Variants in MASTL observed in about 807,000 individuals in gnomAD.
The protein encoded by MASTL is microtubule associated serine/threonine kinase like.
Under a neutral mutation model 82.5 loss-of-function variants are expected in MASTL, and 54 were observed. The ratio of observed to expected loss-of-function variants is 0.65; its 90% CI spans 0.53 to 0.82. The LOEUF is 0.82. Among genes scored for constraint, MASTL ranks in the 40% least tolerant of loss-of-function variants. MASTL has a pLI of 0.00. For missense variants in MASTL, 950 were observed against 1,047.8 expected (o/e 0.91, Z 1.29); for synonymous variants, 323 against 368.9 (o/e 0.88, Z 1.43).
intron 11 of MASTL, among the ~76,000 whole-genome samples, chr10:27,181,857 G>A (rs1442484417): frequency 1.3e-5 from 2 of 152,036 alleles, no homozygotes; most frequent in Non-Finnish European, 2.9e-5. Flanking sequence ...GGCGGATCAC[G>A]AGATCAGGAG....
rs1300005254 is a variant in MASTL, at chr10:27,170,424, C to T, written c.1465C>T (p.Gln489Ter). ...NQNTGLTVEV[Q>*]DLKLSVHKSQ... ...AAATACAGGCTTAACAGTTGAAGTGCAGGACCTTAAGCTATCAGTGCACAA... is the reference window on the plus strand; with the variant it reads ...AAATACAGGCTTAACAGTTGAAGTGTAGGACCTTAAGCTATCAGTGCACAA... The change falls in exon 8 of 12, where the codon CAG becomes TAG. Residue 489 changes from glutamine (Q) to a stop codon, truncating the protein, a stop_gained. Coordinates refer to ENST00000375940, the MANE Select transcript of MASTL (RefSeq NM_001172303.3). LOFTEE classifies it high-confidence loss of function. 1 of 1,614,040 alleles carries T rather than the reference C, an allele frequency of 6.2e-7. No individual in the cohort carries two copies. The highest frequency in any genetic ancestry group is 1.7e-5 in the Admixed American group (1 of 60,010).
chr10:27,167,549 G>T (rs1042117567), intron 7 of MASTL, among the ~76,000 whole-genome samples: 3 of 151,982 alleles, frequency 2.0e-5, no homozygotes, highest in African/African-American at 7.3e-5. Flanking sequence ...GTATCTAGGT[G>T]GACCTCACTT....
chr10:27,159,574 AATC>A lies in MASTL; in HGVS notation c.325-42_325-40del. ...TGCCCAAATACTAGATTTTTAAAGT[AATC>A]ATATTGTTTTTATTTCACAATATTA... is the stretch of plus-strand genomic sequence containing the variant. On this transcript the variant is annotated intron_variant, in intron 2 of 11. Coordinates refer to ENST00000375940, the MANE Select transcript of MASTL (RefSeq NM_001172303.3). The surrounding 1 kb of genome is among the most constrained non-coding windows in gnomAD (Gnocchi z 4.0). The A allele has an allele frequency of 7.5e-7, 1 of 1,330,622 alleles. No individual in the cohort carries two copies. Among genetic ancestry groups the A allele is most frequent in the Non-Finnish European group, 1.1e-6 (1 of 928,116 alleles). 82.4% of individuals were successfully genotyped at this position (1,330,622 alleles called of 1,614,324 possible). A position where few individuals can be genotyped will look rare whatever the true frequency, so the allele number is the denominator to read the frequency against.
At chr10:27,183,951 AT>A (rs1331017402) in intron 11 of MASTL, among the ~76,000 whole-genome samples, 1 of 152,154 alleles carries the variant, frequency 6.6e-6, no homozygotes, top group Non-Finnish European at 1.5e-5. Context: ...GGCTCAAGCC[AT>A]CCGCCCACCT....
rs760849061 is a variant in MASTL at position 27,170,911 on chromosome 10, ATGC to A, written c.1955_1957del (p.Ala652del). ...CTGAAAACGTTAGCCTCTAAAAGAA[ATGC>A]TGTTGCTTTTCGAAGTTTTAACAGT... On this transcript the variant is annotated inframe_deletion, in exon 8 of 12. Transcript: ENST00000375940. The A allele has an allele frequency of 1.4e-5, 22 of 1,614,060 alleles. No individual in the cohort carries two copies. The highest frequency in any genetic ancestry group is 1.8e-5 in the Non-Finnish European group (21 of 1,180,028).
At chr10:27,155,163 T>G, upstream of MASTL, 1 of 517,792 alleles carries the variant, frequency 1.9e-6, no homozygotes, top group East Asian at 3.4e-5. Context: ...GGCCCAGAAC[T>G]GTTTGTGCCT....
chr10:27,163,794 C>A (rs1186702264), intron 4 of MASTL, among the ~76,000 whole-genome samples: 1 of 152,006 alleles, frequency 6.6e-6, no homozygotes, highest in Non-Finnish European at 1.5e-5. Flanking sequence ...CCACGCCCGG[C>A]TAATTTTTTG....
Position 27,162,626 on chromosome 10 carries a change from G to A in MASTL, c.553+1444G>A, listed in dbSNP as rs1184871790. On this transcript the variant is annotated intron_variant, in intron 4 of 11. Coordinates refer to ENST00000375940, the MANE Select transcript of MASTL (RefSeq NM_001172303.3). ...AGAGGTTGCAGTGAGCCAAGATCAC[G>A]ACACTGCACTCTAGCCTGGGGGACA... Among the ~76,000 whole-genome samples the A allele has an allele frequency of 5.3e-5, 8 of 151,968 alleles. No homozygotes were observed. The East Asian group carries it at 1.6e-3, about 30-fold the overall frequency.
chr10:27,179,311 T>G (rs1052333696), intron 9 of MASTL, among the ~76,000 whole-genome samples: 2 of 152,164 alleles, frequency 1.3e-5, no homozygotes, highest in Admixed American at 6.5e-5. Context: ...TCCAAGCACT[T>G]TGGGAGACTG....
At chr10:27,172,483 C>T (rs2057979033) in intron 8 of MASTL, among the ~76,000 whole-genome samples, 2 of 151,966 alleles carry the variant, frequency 1.3e-5, no homozygotes, top group African/African-American at 4.8e-5. Context: ...GGAGAAACCC[C>T]GTCTCTACTA....
intron 4 of MASTL, among the ~76,000 whole-genome samples, chr10:27,163,004 C>A (rs1474060655): frequency 6.6e-6 from 1 of 151,956 alleles, no homozygotes; most frequent in African/African-American, 2.4e-5. Flanking sequence ...ACAACATCCA[C>A]CTCCCGGGTT....
At chr10:27,177,818 G>A (rs1225974136) in intron 9 of MASTL, 2 of 969,030 alleles carry the variant, frequency 2.1e-6, no homozygotes, top group Non-Finnish European at 2.4e-6. Flanking sequence ...GACTTCCGGT[G>A]AGTGAGCTTC....
At chr10:27,165,209 TC>T (rs753609241) in intron 5 of MASTL, 39 bp downstream of exon 5, 7 of 1,437,972 alleles carry the variant, frequency 4.9e-6, no homozygotes, top group Non-Finnish European at 6.9e-6. Context: ...ACATACCCCT[TC>T]ATGATCACCA....
At chr10:27,184,767 G>A (rs2058566893) in intron 11 of MASTL, among the ~76,000 whole-genome samples, 1 of 151,562 alleles carries the variant, frequency 6.6e-6, no homozygotes, top group Non-Finnish European at 1.5e-5. Context: ...CACCATGTTG[G>A]CCAGGCTGGT....
Position 27,171,825 on chromosome 10 carries a change from C to CTTTTTTTTT in MASTL, c.2124+756_2124+764dup, listed in dbSNP as rs112511530. ...AGAATAAAAGTTGAAAAATATGTTT[C>CTTTTTTTTT]TTTTTTTTTTTTTTTTTTTTTTGAG... On this transcript the variant is annotated intron_variant, in intron 8 of 11. Transcript: ENST00000375940. Among the ~76,000 whole-genome samples, 22 of 93,580 alleles carry CTTTTTTTTT rather than the reference C, an allele frequency of 2.4e-4. 2 individuals carry two copies. The highest frequency in any genetic ancestry group is 7.1e-4 in the African/African-American group (16 of 22,690). The allele number at this position is 93,580 out of a possible 152,430, so 61.4% of individuals were successfully genotyped here.
chr10:27,168,442 G>A (rs1171059384), intron 7 of MASTL, among the ~76,000 whole-genome samples: 1 of 152,178 alleles, frequency 6.6e-6, no homozygotes, highest in Admixed American at 6.5e-5. Context: ...GGAATGATAA[G>A]GCACCCTCTG....
chr10:27,184,587 A>T (rs893970933), intron 11 of MASTL, among the ~76,000 whole-genome samples: 4 of 106,582 alleles, frequency 3.8e-5, no homozygotes, highest in Non-Finnish European at 7.3e-5. Context: ...TTGAGACGGA[A>T]TCTCGTTCTG....
At chr10:27,181,319 A>G (rs1157598945) in intron 10 of MASTL, among the ~76,000 whole-genome samples, 161 bp from the exon 11 acceptor site, 1 of 152,104 alleles carries the variant, frequency 6.6e-6, no homozygotes, top group Non-Finnish European at 1.5e-5. Context: ...TGAACCTGGG[A>G]GGTGGAGGTT....
chr10:27,157,402 A>G (rs906077625), intron 1 of MASTL, among the ~76,000 whole-genome samples: 1 of 152,190 alleles, frequency 6.6e-6, no homozygotes, highest in Non-Finnish European at 1.5e-5. Flanking sequence ...CAAAACACAC[A>G]TGCCCTCATA....
Sources: gnomAD v4.1 joint callset for allele counts (sites outside exome capture counted in the v4.1 genomes callset) on GRCh38, gnomAD v4.1.1 for gene constraint, Gnocchi (gnomAD v3.1) non-coding constraint, MANE v1.5 for transcripts, NCBI Gene and HGNC (gene_info 2026-07-23, HGNC 2026-07-21) for gene names.